The following CWF19L2 variants were observed in gnomAD, a reference collection of about 807,000 sequenced individuals.
CWF19L2 encodes the protein CWF19 like cell cycle control factor 2.
CWF19L2 carries 98 observed loss-of-function variants against 111.7 expected under a neutral mutation model. The ratio of observed to expected loss-of-function variants is 0.88; its 90% CI spans 0.75 to 1.04. CWF19L2 has a LOEUF of 1.04. Among genes scored for constraint, CWF19L2 ranks in the 50% least tolerant of loss-of-function variants. The probability of loss-of-function intolerance (pLI) is 0.00; values close to 1 mark genes in which losing one functional copy is unlikely to be tolerated. For synonymous variants in CWF19L2, 351 were observed against 342.9 expected, an observed-to-expected ratio of 1.02 and a Z score of -0.26; for missense variants, 1,101 against 1,051.4, an observed-to-expected ratio of 1.05 and a Z score of -0.65.
intron 14 of CWF19L2, among the ~76,000 whole-genome samples, chr11:107,337,619 T>A (rs1265086469): frequency 6.6e-6 from 1 of 152,084 alleles, no homozygotes; most frequent in Non-Finnish European, 1.5e-5. Flanking sequence ...CCCCTCAAGC[T>A]GTCTAAGAAT....
intron 10 of CWF19L2, chr11:107,404,122 C>T (rs1388951372): frequency 1.2e-5 from 9 of 774,950 alleles, no homozygotes; most frequent in Non-Finnish European, 1.9e-5. Context: ...CTGTCTCTGT[C>T]GACTTTCTTC....
At chr11:107,425,095 T>C (rs1034862813) in intron 8 of CWF19L2, among the ~76,000 whole-genome samples, 3 of 151,482 alleles carry the variant, frequency 2.0e-5, no homozygotes, top group African/African-American at 7.3e-5. Context: ...ATTTCAAGAA[T>C]TACTGCTATA....
At chr11:107,456,221 T>C (rs2135434003) in intron 1 of CWF19L2, among the ~76,000 whole-genome samples, 2 of 152,272 alleles carry the variant, frequency 1.3e-5, no homozygotes, top group South Asian at 4.1e-4. Flanking sequence ...ATCATCTCTG[T>C]ATAAAGAAAG....
chr11:107,361,029 T>C (rs1860323564), intron 12 of CWF19L2, among the ~76,000 whole-genome samples: 1 of 152,214 alleles, frequency 6.6e-6, no homozygotes, highest in South Asian at 2.1e-4. Flanking sequence ...TTCGCCTAGA[T>C]CAATGTCCAG....
rs1860120565 is a variant in CWF19L2, at chr11:107,349,007, C to A, written c.2132G>T (p.Cys711Phe). The change falls in exon 14 of 18, where the codon TGC (cysteine) becomes TTC (phenylalanine). Residue 711 changes from cysteine (C) to phenylalanine (F), a missense_variant. Transcript: ENST00000282251. ...PNVRSLTEGH[C>F]LIVPLQHHRA... ...ATGGTGCTGCAAAGGGACTATCAGGCAGTGCCCCTCAGTAAGAGACCGTAC... is the reference window on the plus strand; with the variant it reads ...ATGGTGCTGCAAAGGGACTATCAGGAAGTGCCCCTCAGTAAGAGACCGTAC... The A allele has an allele frequency of 6.2e-7, 1 of 1,610,570 alleles. No individual in the cohort carries two copies. The highest frequency in any genetic ancestry group is 8.5e-7 in the Non-Finnish European group (1 of 1,177,760).
chr11:107,396,216 G>C (rs1209632383), intron 10 of CWF19L2, among the ~76,000 whole-genome samples: 3 of 152,182 alleles, frequency 2.0e-5, no homozygotes, highest in Admixed American at 6.5e-5. Context: ...TATCTCAAAA[G>C]AAACCAGAAA....
At chr11:107,423,655 C>T (rs1049800600) in intron 8 of CWF19L2, among the ~76,000 whole-genome samples, 2 of 151,886 alleles carry the variant, frequency 1.3e-5, no homozygotes, top group South Asian at 2.1e-4. Flanking sequence ...AAGCTATTTA[C>T]GCAGTATTTC....
intron 10 of CWF19L2, among the ~76,000 whole-genome samples, chr11:107,413,304 AAAAAG>A (rs1861183977): frequency 1.3e-5 from 2 of 152,220 alleles, no homozygotes; most frequent in Admixed American, 6.5e-5. Flanking sequence ...ATAAAATCTT[AAAAAG>A]AAAAGTCTTT....
intron 12 of CWF19L2, among the ~76,000 whole-genome samples, chr11:107,383,205 G>A (rs1383517022): frequency 1.3e-5 from 2 of 152,194 alleles, no homozygotes; most frequent in Non-Finnish European, 2.9e-5. Context: ...AAGCTGGGTG[G>A]TCAGAAGTTC....
chr11:107,371,688 CA>C (rs1860513074), intron 12 of CWF19L2, among the ~76,000 whole-genome samples: 1 of 137,424 alleles, frequency 7.3e-6, no homozygotes, highest in Admixed American at 7.1e-5. Context: ...AAATTAATCA[CA>C]TGTTCCAGGA....
intron 16 of CWF19L2, among the ~76,000 whole-genome samples, chr11:107,330,255 A>T (rs1859825557): frequency 6.6e-6 from 1 of 152,128 alleles, no homozygotes; most frequent in Non-Finnish European, 1.5e-5. Flanking sequence ...TATAATCAAA[A>T]CCAACTATTT....
chr11:107,425,428 T>C (rs11212226), intron 8 of CWF19L2, among the ~76,000 whole-genome samples: 11,522 of 151,938 alleles, frequency 0.076, 578 homozygotes, highest in African/African-American at 0.13. Flanking sequence ...TGTGTTACAA[T>C]TGCCAACAAT....
At chr11:107,357,631 C>T (rs1162527345) in intron 12 of CWF19L2, among the ~76,000 whole-genome samples, 1 of 152,176 alleles carries the variant, frequency 6.6e-6, no homozygotes, top group Non-Finnish European at 1.5e-5. Flanking sequence ...CTGACTGATT[C>T]TTCAATATAA....
Position 107,430,394 on chromosome 11 carries a change from A to G in CWF19L2, c.781-943T>C, listed in dbSNP as rs140475374. Among the ~76,000 whole-genome samples, 426 of 152,280 alleles carry G rather than the reference A, an allele frequency of 2.8e-3. 1 individual carries two copies. Among genetic ancestry groups the G allele is most frequent in the African/African-American group, 9.3e-3 (386 of 41,570 alleles). ...TAAATTTTGAAAACAAAATTAAGCT[A>G]TAATTCTATATAGAGAATTCAATTC... On this transcript the variant is annotated intron_variant, in intron 7 of 17. Coordinates refer to ENST00000282251, the MANE Select transcript of CWF19L2 (RefSeq NM_152434.3).
intron 12 of CWF19L2, among the ~76,000 whole-genome samples, chr11:107,360,004 T>G (rs1205505113): frequency 1.3e-5 from 2 of 152,260 alleles, no homozygotes; most frequent in Non-Finnish European, 2.9e-5. Context: ...ATTCTCCTGT[T>G]GCATGCATAG....
chr11:107,422,773 C>G (rs1861319824), intron 8 of CWF19L2, among the ~76,000 whole-genome samples: 1 of 151,810 alleles, frequency 6.6e-6, no homozygotes. Context: ...AAAACATGAC[C>G]TACCAACAAT....
chr11:107,346,397 G>A (rs1486628782), intron 14 of CWF19L2, among the ~76,000 whole-genome samples: 1 of 152,092 alleles, frequency 6.6e-6, no homozygotes, highest in Admixed American at 6.6e-5. Context: ...GGAAATGAGA[G>A]AAAACACAAT....
chr11:107,359,462 A>G (rs1425484818), intron 12 of CWF19L2, among the ~76,000 whole-genome samples: 1 of 152,208 alleles, frequency 6.6e-6, no homozygotes, highest in South Asian at 2.1e-4. Flanking sequence ...CTAAGTCAGC[A>G]TCCAAACAAT....
chr11:107,332,514 T>A (rs1463816616), intron 16 of CWF19L2, among the ~76,000 whole-genome samples: 5 of 151,204 alleles, frequency 3.3e-5, no homozygotes, highest in Non-Finnish European at 7.4e-5. Flanking sequence ...TACATATACG[T>A]GAATCTCTAT....
Sources: gnomAD v4.1 joint callset for allele counts (sites outside exome capture counted in the v4.1 genomes callset) on GRCh38, gnomAD v4.1.1 for gene constraint, MANE v1.5 for transcripts, NCBI Gene and HGNC (gene_info 2026-07-23, HGNC 2026-07-21) for gene names.